The following DIP2A variants were observed in gnomAD, a reference collection of about 807,000 sequenced individuals.
DIP2A encodes disco-interacting protein 2 homolog A.
Under a neutral mutation model 177.4 loss-of-function variants are expected in DIP2A, and 85 were observed. The ratio of observed to expected loss-of-function variants is 0.48; its 90% CI spans 0.40 to 0.57. DIP2A has a LOEUF of 0.57. DIP2A is among the 20% of genes least tolerant of loss of function. The probability of loss-of-function intolerance (pLI) is 0.00; values close to 1 mark genes in which losing one functional copy is unlikely to be tolerated. For synonymous variants in DIP2A, 886 were observed against 881.8 expected (o/e 1.00, Z -0.08); for missense variants, 1,791 against 2,100.2 (o/e 0.85, Z 2.88).
intron 1 of DIP2A, among the ~76,000 whole-genome samples, chr21:46,479,250 T>C (rs966616212): frequency 6.6e-6 from 1 of 152,252 alleles, no homozygotes; most frequent in African/African-American, 2.4e-5. Context: ...ACTTCTGTAA[T>C]GTCTTCAGAT....
chr21:46,560,033 G>C (rs765354722), intron 32 of DIP2A, among the ~76,000 whole-genome samples: 3 of 150,810 alleles, frequency 2.0e-5, no homozygotes, highest in Non-Finnish European at 4.4e-5. Context: ...AAATTTAAAA[G>C]TAAAACTATT....
At chr21:46,555,841 G>A (rs1025968865) in intron 28 of DIP2A, 141 bp from the exon 29 acceptor site, 27 of 717,638 alleles carry the variant, frequency 3.8e-5, no homozygotes, top group South Asian at 6.0e-5. Flanking sequence ...AGCCTGCATC[G>A]TCACGGCCCC....
downstream of DIP2A, among the ~76,000 whole-genome samples, chr21:46,571,145 T>C (rs954529698): frequency 6.6e-6 from 1 of 152,192 alleles, no homozygotes; most frequent in African/African-American, 2.4e-5. Flanking sequence ...TTCATAGGCA[T>C]GCAAGCCTTC....
chr21:46,527,867 C>T (rs2059169711), intron 8 of DIP2A, among the ~76,000 whole-genome samples: 1 of 152,190 alleles, frequency 6.6e-6, no homozygotes, highest in East Asian at 1.9e-4. Context: ...GGGTTAGACT[C>T]AGATTTCTCA....
chr21:46,576,292 A>G, the DIP2A span, among the ~76,000 whole-genome samples: 1 of 151,978 alleles, frequency 6.6e-6, no homozygotes, highest in Non-Finnish European at 1.5e-5. Context: ...TCCCCCCAAC[A>G]GGCCCCAGTG....
intron 2 of DIP2A, among the ~76,000 whole-genome samples, chr21:46,486,850 A>G (rs553505091): frequency 3.4e-4 from 52 of 152,350 alleles, no homozygotes; most frequent in African/African-American, 1.2e-3. Flanking sequence ...TAAACTGCCA[A>G]GAACTCAAAT....
intron 1 of DIP2A, among the ~76,000 whole-genome samples, chr21:46,472,898 G>T (rs1013365183): frequency 6.6e-6 from 1 of 152,216 alleles, no homozygotes; most frequent in African/African-American, 2.4e-5. Context: ...TTTCTGCTAC[G>T]ATGGGAAAGT....
intron 3 of DIP2A, among the ~76,000 whole-genome samples, chr21:46,493,220 CT>C (rs2057122441): frequency 6.6e-6 from 1 of 152,154 alleles, no homozygotes; most frequent in Non-Finnish European, 1.5e-5. Context: ...GGTTTTGTTT[CT>C]TGTGCTTGGG....
intron 23 of DIP2A, among the ~76,000 whole-genome samples, chr21:46,551,270 T>A (rs2060263118): frequency 6.6e-6 from 1 of 152,246 alleles, no homozygotes; most frequent in Admixed American, 6.5e-5. Flanking sequence ...AGTTTTTTTT[T>A]ATTAATTATT....
chr21:46,482,228 G>T (rs1488963956), intron 1 of DIP2A, among the ~76,000 whole-genome samples: 2 of 152,168 alleles, frequency 1.3e-5, no homozygotes, highest in Non-Finnish European at 2.9e-5. Flanking sequence ...GCATGATAAG[G>T]GAGTACTATG....
intron 9 of DIP2A, among the ~76,000 whole-genome samples, chr21:46,531,804 T>G (rs972651138): frequency 3.9e-5 from 6 of 152,264 alleles, no homozygotes; most frequent in African/African-American, 1.4e-4. Context: ...AAACCAAATT[T>G]TGAAGGAGAA....
At position 46,538,719 on chromosome 21, in the gene DIP2A, C is replaced by A. The variant is rs1027806375; in HGVS notation, c.1921+117C>A. 8 of 1,378,968 alleles carry A rather than the reference C, an allele frequency of 5.8e-6. No individual in the cohort carries two copies. In the African/African-American group the frequency reaches 7.2e-5, roughly 12 times the overall value. 85.4% of individuals were successfully genotyped at this position (1,378,968 alleles called of 1,614,324 possible). A position where few individuals can be genotyped will look rare whatever the true frequency, so the allele number is the denominator to read the frequency against. On this transcript the variant is annotated intron_variant, in intron 16 of 37. Coordinates refer to ENST00000417564, the MANE Select transcript of DIP2A (RefSeq NM_015151.4). ...TTTCACTGCCATTGTCATATAGATA[C>A]ACATGTCCCATCGTTTCTATGACAC...
intron 7 of DIP2A, among the ~76,000 whole-genome samples, chr21:46,511,141 G>A (rs942723165): frequency 1.3e-5 from 2 of 152,026 alleles, no homozygotes; most frequent in Non-Finnish European, 1.5e-5. Flanking sequence ...GGGAAAGTGG[G>A]AACCACTCCA....
At chr21:46,485,335 A>T (rs2056614325) in intron 2 of DIP2A, among the ~76,000 whole-genome samples, 1 of 152,164 alleles carries the variant, frequency 6.6e-6, no homozygotes, top group Non-Finnish European at 1.5e-5. Flanking sequence ...AAAAAGAATG[A>T]GGTGAGAGGA....
At chr21:46,534,418 C>T (rs1342084466) in intron 12 of DIP2A, among the ~76,000 whole-genome samples, 167 bp from the exon 13 acceptor site, 4 of 152,204 alleles carry the variant, frequency 2.6e-5, no homozygotes, top group Admixed American at 2.6e-4. Context: ...CTGAAGCATC[C>T]CCTCAGCGGC....
At chr21:46,492,572 G>A (rs993889973) in intron 3 of DIP2A, among the ~76,000 whole-genome samples, 3 of 152,104 alleles carry the variant, frequency 2.0e-5, no homozygotes, top group Non-Finnish European at 2.9e-5. Flanking sequence ...CCCTAACCCC[G>A]GTGGGATGCT....
At chr21:46,528,527 C>CA (rs2059207496) in intron 8 of DIP2A, among the ~76,000 whole-genome samples, 10 of 29,380 alleles carry the variant, frequency 3.4e-4, no homozygotes, top group African/African-American at 1.4e-3. Flanking sequence ...TTTCTGCTTG[C>CA]TTTTTTTTTT....
intron 1 of DIP2A, among the ~76,000 whole-genome samples, chr21:46,461,059 C>T (rs535323398): frequency 6.6e-6 from 1 of 151,558 alleles, no homozygotes; most frequent in East Asian, 2.0e-4. Flanking sequence ...GTAATCCCAA[C>T]ACTTTGGGAG....
chr21:46,474,397 A>G (rs1273278106), intron 1 of DIP2A, among the ~76,000 whole-genome samples: 1 of 152,206 alleles, frequency 6.6e-6, no homozygotes, highest in Non-Finnish European at 1.5e-5. Flanking sequence ...GGAGAAATGA[A>G]TAATGCAAAG....
Sources: gnomAD v4.1 joint callset for allele counts (sites outside exome capture counted in the v4.1 genomes callset) on GRCh38, gnomAD v4.1.1 for gene constraint, MANE v1.5 for transcripts, NCBI Gene and HGNC (gene_info 2026-07-23, HGNC 2026-07-21) for gene names.